LSS: variants seen among roughly 807,000 people sequenced by gnomAD.
LSS encodes the protein lanosterol synthase, also known as 2,3-epoxysqualene-lanosterol cyclase.
A neutral mutation model predicts 110.3 loss-of-function variants in LSS; 90 were observed. That is an observed-to-expected ratio of 0.82 (90% CI 0.69 to 0.97). The LOEUF (loss-of-function observed/expected upper bound fraction) is 0.97. Ranked by LOEUF, LSS falls within the 50% of genes least tolerant of loss-of-function variation. LSS has a pLI of 0.00. For synonymous variants in LSS, 433 were observed against 400.0 expected (o/e 1.08, Z -0.98); for missense variants, 927 against 990.0 (o/e 0.94, Z 0.85).
In LSS at chr21:46,225,750, G is replaced by A. The variant is rs573552252; in HGVS notation, c.319+1802C>T. ...CACTCTCTGCCTCGGCTGCCAGGCAGGGAAGAGCCCACTGTCCAGTGGACA... is the reference window on the plus strand; with the variant it reads ...CACTCTCTGCCTCGGCTGCCAGGCAAGGAAGAGCCCACTGTCCAGTGGACA... On this transcript the variant is annotated intron_variant, in intron 3 of 21. Coordinates refer to ENST00000397728, the MANE Select transcript of LSS (RefSeq NM_002340.6). Among the ~76,000 whole-genome samples the A allele has an allele frequency of 3.0e-4, 45 of 152,300 alleles. No individual in the cohort carries two copies. In the South Asian group the frequency reaches 9.3e-3, roughly 32 times the overall value.
chr21:46,208,452 G>T, intron 13 of LSS, 151 bp from the exon 14 acceptor site: 1 of 709,132 alleles, frequency 1.4e-6, no homozygotes. Context: ...CACTGGTGCT[G>T]CGAGGCGCGC....
At chr21:46,227,359 T>C in intron 3 of LSS, 193 bp downstream of exon 3, 1 of 636,080 alleles carries the variant, frequency 1.6e-6, no homozygotes, top group Non-Finnish European at 2.7e-6. Context: ...CCTGTCACCC[T>C]ACACTGGCAA....
At chr21:46,206,358 A>T (rs1167280632) in intron 16 of LSS, among the ~76,000 whole-genome samples, 1 of 152,180 alleles carries the variant, frequency 6.6e-6, no homozygotes, top group Non-Finnish European at 1.5e-5. Context: ...CGCTCTGGAT[A>T]CACAGCAGCC....
chr21:46,222,620 G>C lies in LSS; in HGVS notation c.428+10C>G. ...CACATGTGCAGTGACACAGGGGCAG[G>C]CACACTCACAGGCCCCAGCCACCGT... is the stretch of plus-strand genomic sequence containing the variant. On this transcript the variant is annotated intron_variant, in intron 4 of 21. Transcript: ENST00000397728. 5 of 1,608,646 alleles carry C rather than the reference G, an allele frequency of 3.1e-6. No homozygotes were observed. The highest frequency in any genetic ancestry group is 4.2e-6 in the Non-Finnish European group (5 of 1,176,562).
intron 11 of LSS, 105 bp from the exon 12 acceptor site, chr21:46,210,849 C>T: frequency 9.4e-7 from 1 of 1,066,686 alleles, no homozygotes; most frequent in Non-Finnish European, 1.4e-6. Flanking sequence ...TGGGGGCTCC[C>T]ACCCAGCCAA....
chr21:46,212,985 T>C (rs1250271772), intron 11 of LSS, 40 bp downstream of exon 11: 8 of 1,612,988 alleles, frequency 5.0e-6, no homozygotes, highest in African/African-American at 2.7e-5. Context: ...GGAGACATGA[T>C]TGCAAAGGAA....
chr21:46,192,505 C>T (rs565533146), intron 20 of LSS: 7 of 455,690 alleles, frequency 1.5e-5, no homozygotes, highest in South Asian at 9.3e-5. Flanking sequence ...CGGGATGTTG[C>T]GGGTGCATCT....
At chr21:46,212,772 C>T (rs539003598) in intron 11 of LSS, among the ~76,000 whole-genome samples, 1 of 152,344 alleles carries the variant, frequency 6.6e-6, no homozygotes, top group Admixed American at 6.5e-5. Flanking sequence ...CGTTACACAG[C>T]TGAGCCCACT....
At chr21:46,203,639 C>A (rs1425464239) in intron 17 of LSS, among the ~76,000 whole-genome samples, 1 of 152,264 alleles carries the variant, frequency 6.6e-6, no homozygotes, top group Non-Finnish European at 1.5e-5. Flanking sequence ...CCACCTCATG[C>A]CGCAGAGCAG....
chr21:46,196,504 GA>G (rs2079912006), intron 17 of LSS: 1 of 538,338 alleles, frequency 1.9e-6, no homozygotes, highest in Admixed American at 3.1e-5. Context: ...AAGGCCTTGG[GA>G]AGCCCCTGCA....
rs185425590 is a variant in LSS at position 46,228,244 on chromosome 21, T to A, written c.180+190A>T. ...GCTAAAAAATAAAACATTAGGAGTCTCCTATGCGTGGTTTAGAGATGAAGG... is the reference window on the plus strand; with the variant it reads ...GCTAAAAAATAAAACATTAGGAGTCACCTATGCGTGGTTTAGAGATGAAGG... On this transcript the variant is annotated intron_variant, in intron 2 of 21. Transcript: ENST00000397728. 3.3e-5 allele frequency among the ~76,000 whole-genome samples: 5 copies of A among 152,360 alleles called. No homozygotes were observed. The East Asian group carries it at 9.6e-4, about 29-fold the overall frequency.
intron 3 of LSS, 75 bp downstream of exon 3, chr21:46,227,477 T>C (rs2080355634): frequency 2.2e-5 from 35 of 1,565,100 alleles, no homozygotes; most frequent in Admixed American, 7.5e-5. Flanking sequence ...ATCAAAACCC[T>C]AGACCAGGCT....
Position 46,190,508 on chromosome 21 carries a change from C to G in LSS, c.*596G>C, listed in dbSNP as rs2079794718. The stretch of plus-strand genomic sequence containing the variant: ...GGGGCATGAGGCTCCATGACACCAC[C>G]CCATACGCAGGCAAGCTCACGACCC... On this transcript the variant is annotated 3_prime_UTR_variant, in exon 22 of 22. Coordinates refer to ENST00000397728, the MANE Select transcript of LSS (RefSeq NM_002340.6). This position sits in a 1 kb window ranked among gnomAD's most constrained non-coding sequence, Gnocchi z 4.6. The G allele has an allele frequency of 6.6e-6, 1 of 150,946 alleles. No individual in the cohort carries two copies. The highest frequency in any genetic ancestry group is 2.7e-5 in the African/African-American group (1 of 37,398). 9.4% of individuals were successfully genotyped at this position (150,946 alleles called of 1,614,324 possible).
rs576450040 is a variant in LSS, at chr21:46,211,262, G to A, written c.1138-518C>T. ...CTGCCTCAGCCTCCGGAGTAGCTGG[G>A]ATTACAGGCTCCTGCCAGCACACCC... On this transcript the variant is annotated intron_variant, in intron 11 of 21. Transcript: ENST00000397728. Among the ~76,000 whole-genome samples the A allele has an allele frequency of 1.8e-4, 28 of 152,328 alleles. 1 individual carries two copies. In the South Asian group the frequency reaches 5.8e-3, roughly 32 times the overall value.
intron 2 of LSS, among the ~76,000 whole-genome samples, 199 bp downstream of exon 2, chr21:46,228,235 T>C (rs1330108102): frequency 6.6e-6 from 1 of 152,226 alleles, no homozygotes; most frequent in Non-Finnish European, 1.5e-5. Flanking sequence ...AAATAAAACA[T>C]TAGGAGTCTC....
intron 11 of LSS, among the ~76,000 whole-genome samples, 178 bp downstream of exon 11, chr21:46,212,845 CCA>C (rs1360704584): frequency 2.0e-5 from 3 of 152,192 alleles, no homozygotes; most frequent in Non-Finnish European, 4.4e-5. Flanking sequence ...CGGTGGGCAC[CCA>C]CACAGAGACC....
chr21:46,191,766 C>G (rs1362989926), intron 21 of LSS, 115 bp downstream of exon 21: 2 of 851,354 alleles, frequency 2.3e-6, no homozygotes, highest in African/African-American at 3.3e-5. Flanking sequence ...AGAGGTGACG[C>G]CTCCCAAGTG....
chr21:46,213,699 T>C (rs757281505), intron 10 of LSS, 39 bp downstream of exon 10: 1 of 1,570,310 alleles, frequency 6.4e-7, no homozygotes. Flanking sequence ...GATCCAGTCT[T>C]CGTGAGAGGC....
chr21:46,219,052 A>T (rs1295620061), intron 6 of LSS, among the ~76,000 whole-genome samples: 1 of 152,136 alleles, frequency 6.6e-6, no homozygotes, highest in African/African-American at 2.4e-5. Flanking sequence ...AAAGGCACAC[A>T]CGCTGAGTCC....
Sources: gnomAD v4.1 joint callset for allele counts (sites outside exome capture counted in the v4.1 genomes callset) on GRCh38, gnomAD v4.1.1 for gene constraint, Gnocchi (gnomAD v3.1) non-coding constraint, MANE v1.5 for transcripts, NCBI Gene and HGNC (gene_info 2026-07-23, HGNC 2026-07-21) for gene names.